Variants in PRKN observed in about 807,000 individuals in gnomAD.
PRKN encodes parkin RBR E3 ubiquitin protein ligase.
A neutral mutation model predicts 59.5 loss-of-function variants in PRKN; 56 were observed. The observed-to-expected ratio is 0.94, with a 90% CI of 0.76 to 1.18. The LOEUF (loss-of-function observed/expected upper bound fraction) is 1.18, where lower values mean the gene tolerates loss of function less well. Ranked by LOEUF, PRKN falls within the 50% of genes most tolerant of loss-of-function variation. PRKN has a pLI of 0.00. For synonymous variants in PRKN, 250 were observed against 222.1 expected (o/e 1.13, Z -1.12); for missense variants, 657 against 596.4 (o/e 1.10, Z -1.06).
At chr6:161,726,195 G>C (rs1194395062) in intron 7 of PRKN, among the ~76,000 whole-genome samples, 2 of 152,156 alleles carry the variant, frequency 1.3e-5, no homozygotes, top group Non-Finnish European at 2.9e-5. Flanking sequence ...AGAAATGACA[G>C]TTTTTCTATG....
chr6:162,615,711 A>T (rs570977245), intron 1 of PRKN, among the ~76,000 whole-genome samples: 2 of 152,340 alleles, frequency 1.3e-5, no homozygotes, highest in South Asian at 4.1e-4. Flanking sequence ...CAAATGTGCC[A>T]GCATTGAGAT....
At chr6:161,744,181 T>G (rs777817858) in intron 7 of PRKN, among the ~76,000 whole-genome samples, 7 of 150,250 alleles carry the variant, frequency 4.7e-5, no homozygotes, top group African/African-American at 1.7e-4. Flanking sequence ...TTATTTACTG[T>G]TTTTTTTTCT....
intron 6 of PRKN, among the ~76,000 whole-genome samples, chr6:161,831,362 C>T (rs1792492183): frequency 6.6e-6 from 1 of 152,192 alleles, no homozygotes; most frequent in Non-Finnish European, 1.5e-5. Context: ...ATGTCAGCTG[C>T]TTACAGATCA....
intron 2 of PRKN, among the ~76,000 whole-genome samples, chr6:162,349,517 GA>G (rs141165850): frequency 0.033 from 5,058 of 152,152 alleles, 278 homozygotes; most frequent in African/African-American, 0.12. Context: ...CCAACTCAAT[GA>G]AGCCACCACT....
At chr6:162,659,642 T>G (rs1375919702) in intron 1 of PRKN, among the ~76,000 whole-genome samples, 1 of 152,136 alleles carries the variant, frequency 6.6e-6, no homozygotes, top group Non-Finnish European at 1.5e-5. Context: ...CCATGAGTTA[T>G]TAACCCATTA....
intron 4 of PRKN, among the ~76,000 whole-genome samples, chr6:162,061,225 G>A (rs1582973664): frequency 6.6e-6 from 1 of 152,166 alleles, no homozygotes; most frequent in South Asian, 2.1e-4. Flanking sequence ...TTCACAGAGT[G>A]TGCATGAAGA....
chr6:161,873,749 A>G (rs1300065850), intron 6 of PRKN, among the ~76,000 whole-genome samples: 2 of 151,028 alleles, frequency 1.3e-5, no homozygotes, highest in African/African-American at 2.4e-5. Flanking sequence ...TCTTTGCCCT[A>G]TTTCCCCTAC....
In PRKN at chr6:161,578,442, G is replaced by A. The variant is rs1282862491; in HGVS notation, c.872-9026C>T. 6.6e-6 allele frequency among the ~76,000 whole-genome samples: 1 copy of A among 152,130 alleles called. No individual in the cohort carries two copies. The highest frequency in any genetic ancestry group is 2.4e-5 in the African/African-American group (1 of 41,412). ...CATCTCTCTTAACAGGAAATCAGACGGTTCACCTGGGCAATAATAGCTCTT... is the reference window on the plus strand; with the variant it reads ...CATCTCTCTTAACAGGAAATCAGACAGTTCACCTGGGCAATAATAGCTCTT... On this transcript the variant is annotated intron_variant, in intron 7 of 11. Coordinates refer to ENST00000366898, the MANE Select transcript of PRKN (RefSeq NM_004562.3). The surrounding 1 kb of genome is among the most constrained non-coding windows in gnomAD (Gnocchi z 4.2).
intron 3 of PRKN, among the ~76,000 whole-genome samples, chr6:162,257,505 G>GCTA (rs1285320588): frequency 6.6e-6 from 1 of 152,040 alleles, no homozygotes; most frequent in Non-Finnish European, 1.5e-5. Context: ...GAAAACACAG[G>GCTA]CTACTGGATA....
At chr6:161,590,114 T>C (rs1781664739) in intron 7 of PRKN, among the ~76,000 whole-genome samples, 1 of 152,074 alleles carries the variant, frequency 6.6e-6, no homozygotes, top group Non-Finnish European at 1.5e-5. Context: ...TGAAATGCAA[T>C]TATAATTTTA....
chr6:161,783,434 G>A (rs945256522), intron 7 of PRKN, among the ~76,000 whole-genome samples: 6 of 152,242 alleles, frequency 3.9e-5, no homozygotes, highest in African/African-American at 7.2e-5. Context: ...GTCATTCGGC[G>A]AGAATTACAA....
intron 2 of PRKN, among the ~76,000 whole-genome samples, chr6:162,314,648 C>A (rs968564134): frequency 6.6e-6 from 1 of 152,136 alleles, no homozygotes; most frequent in Non-Finnish European, 1.5e-5. Flanking sequence ...TGTGTTAACA[C>A]CCCTAGTAAG....
intron 4 of PRKN, among the ~76,000 whole-genome samples, chr6:162,086,248 T>G (rs1337923326): frequency 6.6e-6 from 1 of 152,202 alleles, no homozygotes; most frequent in African/African-American, 2.4e-5. Flanking sequence ...AATTCAGAAT[T>G]AGTCTGGGCA....
At chr6:161,634,239 A>G (rs1402954697) in intron 7 of PRKN, among the ~76,000 whole-genome samples, 2 of 152,136 alleles carry the variant, frequency 1.3e-5, no homozygotes, top group Non-Finnish European at 2.9e-5. Context: ...AGCTGAATAA[A>G]AAGAATAGTA....
At chr6:162,134,441 C>G (rs1206077262) in intron 4 of PRKN, among the ~76,000 whole-genome samples, 1 of 152,150 alleles carries the variant, frequency 6.6e-6, no homozygotes, top group Admixed American at 6.5e-5. Flanking sequence ...AAGAGAACAT[C>G]AAATATTCGC....
At chr6:162,406,463 A>G (rs1788078982) in intron 2 of PRKN, among the ~76,000 whole-genome samples, 1 of 152,222 alleles carries the variant, frequency 6.6e-6, no homozygotes, top group South Asian at 2.1e-4. Context: ...GTACTTAGAT[A>G]TAGACTCTCT....
Position 161,483,932 on chromosome 6 carries a change from A to G in PRKN, c.1083+64922T>C, listed in dbSNP as rs563420269. 7.1e-4 allele frequency among the ~76,000 whole-genome samples: 108 copies of G among 152,302 alleles called. 1 individual carries two copies. The highest frequency in any genetic ancestry group is 1.3e-3 in the Non-Finnish European group (86 of 68,024). On this transcript the variant is annotated intron_variant, in intron 9 of 11. Transcript: ENST00000366898. This position sits in a 1 kb window ranked among gnomAD's most constrained non-coding sequence, Gnocchi z 5.0. ...TCAGCAAACTAATGCAGGAACAGAA[A>G]ACCAAACACTGCCTGTTCTCACTTA...
chr6:161,863,318 GATTT>G (rs1261352503), intron 6 of PRKN, among the ~76,000 whole-genome samples: 2 of 139,652 alleles, frequency 1.4e-5, no homozygotes, highest in Non-Finnish European at 3.2e-5. Context: ...ATGTTCCTTG[GATTT>G]ATTAAAAAAA....
intron 9 of PRKN, among the ~76,000 whole-genome samples, chr6:161,436,880 C>G (rs567680330): frequency 6.6e-6 from 1 of 152,066 alleles, no homozygotes; most frequent in South Asian, 2.1e-4. Context: ...TTAGGGAGAC[C>G]GGTCACCCTC....
Sources: gnomAD v4.1 joint callset for allele counts (sites outside exome capture counted in the v4.1 genomes callset) on GRCh38, gnomAD v4.1.1 for gene constraint, Gnocchi (gnomAD v3.1) non-coding constraint, MANE v1.5 for transcripts, NCBI Gene and HGNC (gene_info 2026-07-23, HGNC 2026-07-21) for gene names.